Variants in BOC observed in about 807,000 individuals in gnomAD.
BOC encodes brother of CDO.
A neutral mutation model predicts 112.0 loss-of-function variants in BOC; 76 were observed. The ratio of observed to expected loss-of-function variants is 0.68; its 90% CI spans 0.56 to 0.82. The LOEUF is 0.82. BOC is among the 40% of genes least tolerant of loss of function. The probability of loss-of-function intolerance (pLI) is 0.00; values close to 1 mark genes in which losing one functional copy is unlikely to be tolerated. For missense variants in BOC, 1,309 were observed against 1,511.7 expected, an observed-to-expected ratio of 0.87 and a Z score of 2.22; for synonymous variants, 580 against 599.8, an observed-to-expected ratio of 0.97 and a Z score of 0.48.
At chr3:113,236,304 A>C (rs1207776948) in intron 2 of BOC, among the ~76,000 whole-genome samples, 1 of 98,864 alleles carries the variant, frequency 1.0e-5, no homozygotes, top group Non-Finnish European at 2.1e-5. Context: ...ATATATATAT[A>C]TATATATACC....
intron 2 of BOC, among the ~76,000 whole-genome samples, chr3:113,235,070 G>A (rs1012053965): frequency 2.6e-5 from 4 of 152,292 alleles, no homozygotes; most frequent in African/African-American, 4.8e-5. Context: ...GTAAGACATA[G>A]GACTTTAAGC....
chr3:113,280,098 C>A, intron 13 of BOC, 93 bp downstream of exon 13: 4 of 1,288,994 alleles, frequency 3.1e-6, no homozygotes, highest in Non-Finnish European at 4.2e-6. Flanking sequence ...CCGAACAGGG[C>A]ACCTGAAAGC....
rs920475681 is a variant in BOC at position 113,245,914 on chromosome 3, G to A, written c.-81-3808G>A. Among the ~76,000 whole-genome samples, 3 of 152,302 alleles carry A rather than the reference G, an allele frequency of 2.0e-5. No homozygotes were observed. In the East Asian group the frequency reaches 5.8e-4, roughly 29 times the overall value. On this transcript the variant is annotated intron_variant, in intron 2 of 19. Coordinates refer to ENST00000682979, the MANE Select transcript of BOC (RefSeq NM_001378074.1). ...CGTGGCATGGGCGTCCAGGGGATGA[G>A]CCGACGGCTTTTTGTGGTGTTCTCA...
intron 4 of BOC, among the ~76,000 whole-genome samples, chr3:113,253,411 T>A (rs1159679134): frequency 2.6e-5 from 4 of 151,658 alleles, no homozygotes; most frequent in African/African-American, 9.7e-5. Context: ...GAACAAAAAT[T>A]TTTTTTAAAA....
chr3:113,223,403 T>C (rs1941088113), intron 2 of BOC, among the ~76,000 whole-genome samples: 1 of 152,228 alleles, frequency 6.6e-6, no homozygotes, highest in South Asian at 2.1e-4. Context: ...ACATCTTACG[T>C]TGGTGCAGTA....
rs1318787026 is a variant in BOC at position 113,287,078 on chromosome 3, C to G, written c.*216C>G. On this transcript the variant is annotated 3_prime_UTR_variant, in exon 20 of 20. Coordinates refer to ENST00000682979, the MANE Select transcript of BOC (RefSeq NM_001378074.1). ...AGAGGGAAAATAAAGAAGCTGCCAC[C>G]TAACAGGAGTCACCCAGGAAAGCAC... is the stretch of plus-strand genomic sequence containing the variant. 1.7e-6 allele frequency: 1 copy of G among 600,238 alleles called. No individual in the cohort carries two copies. The highest frequency in any genetic ancestry group is 3.0e-6 in the Non-Finnish European group (1 of 331,908). The allele number at this position is 600,238 out of a possible 1,614,324, so 37.2% of individuals were successfully genotyped here. A position where few individuals can be genotyped will look rare whatever the true frequency, so the allele number is the denominator to read the frequency against.
chr3:113,268,328 C>A lies in BOC; in HGVS notation c.406C>A (p.His136Asn), dbSNP rs747833809. 2 of 1,614,048 alleles carry A rather than the reference C, an allele frequency of 1.2e-6. No individual in the cohort carries two copies. Among genetic ancestry groups the A allele is most frequent in the Non-Finnish European group, 1.7e-6 (2 of 1,180,044 alleles). ...CCAGGACTTCAAGTTAGATGTGCAG[C>A]ACGTGATTGAAGTGGATGAGGGAAA... ...NLQDFKLDVQ[H>N]VIEVDEGNTA... The change falls in exon 5 of 20, where the codon CAC becomes AAC. Residue 136 changes from histidine (H) to asparagine (N), a missense_variant. Physicochemically the swap from His to Asn is moderately conservative, Grantham distance 68 (BLOSUM62 1). Transcript: ENST00000682979.
chr3:113,229,485 C>T (rs1027551), intron 2 of BOC, among the ~76,000 whole-genome samples: 50,145 of 152,096 alleles, frequency 0.33, 8,766 homozygotes, highest in African/African-American at 0.43. Flanking sequence ...TCAGCAGCAG[C>T]CACTATGGCT....
chr3:113,221,389 A>AG (rs1940617163), intron 2 of BOC, among the ~76,000 whole-genome samples: 1 of 152,164 alleles, frequency 6.6e-6, no homozygotes, highest in Non-Finnish European at 1.5e-5. Context: ...GAACACATGG[A>AG]GGGGCAAGGC....
intron 9 of BOC, among the ~76,000 whole-genome samples, chr3:113,275,077 A>G (rs1373789696): frequency 6.6e-6 from 1 of 152,186 alleles, no homozygotes; most frequent in Non-Finnish European, 1.5e-5. Context: ...TATGAAAGTA[A>G]GCCGTGCTGG....
chr3:113,280,034 G>A (rs560017903), intron 13 of BOC, 29 bp downstream of exon 13: 2 of 1,571,694 alleles, frequency 1.3e-6, no homozygotes, highest in South Asian at 1.2e-5. Flanking sequence ...GGACTGCAGT[G>A]GAAGACGGCC....
intron 4 of BOC, among the ~76,000 whole-genome samples, chr3:113,257,143 G>A (rs758943951): frequency 9.2e-5 from 14 of 152,208 alleles, no homozygotes; most frequent in Non-Finnish European, 1.5e-4. Flanking sequence ...GAGACAATGT[G>A]AAGAAATTAG....
At chr3:113,261,827 G>A (rs144387757) in intron 4 of BOC, 2 of 151,748 alleles carry the variant, frequency 1.3e-5, no homozygotes, top group Admixed American at 1.3e-4. Flanking sequence ...TTGATTTTCA[G>A]CCCTCATCCC....
Position 113,287,106 on chromosome 3 carries a change from C to T in BOC, c.*244C>T. 1 of 523,080 alleles carries T rather than the reference C, an allele frequency of 1.9e-6. No homozygotes were observed. Among genetic ancestry groups the T allele is most frequent in the Non-Finnish European group, 3.6e-6 (1 of 274,400 alleles). 32.4% of individuals were successfully genotyped at this position (523,080 alleles called of 1,614,324 possible). On this transcript the variant is annotated 3_prime_UTR_variant, in exon 20 of 20. Coordinates refer to ENST00000682979, the MANE Select transcript of BOC (RefSeq NM_001378074.1). ...ACAGGAGTCACCCAGGAAAGCACCG[C>T]ACAGGCTGGCGCGGGACAGACTCCT...
intron 2 of BOC, among the ~76,000 whole-genome samples, chr3:113,231,939 A>G (rs1400893791): frequency 6.6e-6 from 1 of 152,174 alleles, no homozygotes; most frequent in Non-Finnish European, 1.5e-5. Context: ...CTCTGCTCTC[A>G]TGGACTCTCA....
At chr3:113,263,040 A>G (rs1029520188) in intron 4 of BOC, among the ~76,000 whole-genome samples, 6 of 152,248 alleles carry the variant, frequency 3.9e-5, no homozygotes, top group Admixed American at 1.3e-4. Context: ...CCAAAGGATC[A>G]GCATGCCACT....
intron 2 of BOC, among the ~76,000 whole-genome samples, chr3:113,218,252 C>G (rs1939871571): frequency 6.6e-6 from 1 of 152,216 alleles, no homozygotes; most frequent in Non-Finnish European, 1.5e-5. Context: ...CCCACCTTCC[C>G]TGGCTCTGCC....
chr3:113,214,119 T>G (rs1178269338), intron 1 of BOC, among the ~76,000 whole-genome samples: 1 of 152,242 alleles, frequency 6.6e-6, no homozygotes, highest in Non-Finnish European at 1.5e-5. Flanking sequence ...TGGTTGATTC[T>G]TTGACTACAA....
At chr3:113,273,023 GACAGAAAGACACA>G (rs1948300533) in intron 7 of BOC, 33 bp from the exon 8 acceptor site, 17 of 1,563,496 alleles carry the variant, frequency 1.1e-5, no homozygotes, top group Non-Finnish European at 1.4e-5. Context: ...CTGGCCCTGG[GACAGAAAGACACA>G]GCCCTTCTCA....
Sources: allele counts gnomAD v4.1 joint callset (sites outside exome capture counted in the v4.1 genomes callset), GRCh38; gene constraint gnomAD v4.1.1; transcripts MANE v1.5; gene names NCBI Gene and HGNC (gene_info 2026-07-23, HGNC 2026-07-21).